Variants in NFX1 observed in about 807,000 individuals in gnomAD.
The protein encoded by NFX1 is nuclear transcription factor, X-box binding 1, also known as transcriptional repressor NF-X1.
In NFX1, 69 loss-of-function variants were observed where a neutral mutation model predicts 137.2. The ratio of observed to expected loss-of-function variants is 0.50; its 90% CI spans 0.41 to 0.61. NFX1 has a LOEUF of 0.61. NFX1 is among the 20% of genes least tolerant of loss of function. NFX1 has a pLI of 0.00. For synonymous variants in NFX1, 495 were observed against 474.1 expected, an observed-to-expected ratio of 1.04 and a Z score of -0.57; for missense variants, 1,167 against 1,391.0, an observed-to-expected ratio of 0.84 and a Z score of 2.56.
intron 7 of NFX1, among the ~76,000 whole-genome samples, chr9:33,314,569 C>T (rs1249493097): frequency 4.6e-5 from 7 of 151,658 alleles, no homozygotes; most frequent in Admixed American, 6.6e-5. Context: ...CCCAGCTATT[C>T]GGGAGGCTGA....
chr9:33,330,432 T>C (rs1203850944), intron 10 of NFX1, among the ~76,000 whole-genome samples: 1 of 152,210 alleles, frequency 6.6e-6, no homozygotes, highest in East Asian at 1.9e-4. Flanking sequence ...ATATATGGGT[T>C]TTTTCCTGAA....
chr9:33,338,188 C>T (rs926037670), intron 11 of NFX1, among the ~76,000 whole-genome samples: 7 of 151,896 alleles, frequency 4.6e-5, no homozygotes, highest in African/African-American at 1.7e-4. Flanking sequence ...AACCCTGCCT[C>T]TACTAAAAAT....
Position 33,338,600 on chromosome 9 carries a change from T to G in NFX1, c.2115+11T>G. 1 of 1,579,868 alleles carries G rather than the reference T, an allele frequency of 6.3e-7. No individual in the cohort carries two copies. Among genetic ancestry groups the G allele is most frequent in the South Asian group, 1.2e-5 (1 of 84,826 alleles). ...GAGATATGCTGTGTGGTAAGTGGACTTATTAGGCATAATCAGATTCCATTC... is the reference window on the plus strand; with the variant it reads ...GAGATATGCTGTGTGGTAAGTGGACGTATTAGGCATAATCAGATTCCATTC... On this transcript the variant is annotated intron_variant, in intron 12 of 23. Coordinates refer to ENST00000379540, the MANE Select transcript of NFX1 (RefSeq NM_002504.6).
In NFX1 at chr9:33,342,837, A is replaced by G. The variant is rs1445729665; in HGVS notation, c.2207A>G (p.Gln736Arg). Residue 736 changes from glutamine to arginine, a missense_variant, in exon 13 of 24, where the codon CAG becomes CGG. By Grantham distance (43) the Gln-to-Arg change is conservative. This residue lies in a region of NFX1 where 488 missense variants were observed against 691.5 expected (regional missense o/e 0.71). Coordinates refer to ENST00000379540, the MANE Select transcript of NFX1 (RefSeq NM_002504.6). ...GAACCTTGTCATCGTGGAAACTGCCAGACATGCTGGCAAGCCAGTGAGTGT... is the reference window on the plus strand; with the variant it reads ...GAACCTTGTCATCGTGGAAACTGCCGGACATGCTGGCAAGCCAGTGAGTGT... ...CEEPCHRGNC[Q>R]TCWQASFDEL... 2 of 1,612,556 alleles carry G rather than the reference A, an allele frequency of 1.2e-6. No individual in the cohort carries two copies. Among genetic ancestry groups the G allele is most frequent in the Admixed American group, 3.3e-5 (2 of 59,802 alleles).
rs529683698 is a variant in NFX1 at position 33,319,060 on chromosome 9, A to G, written c.1839A>G (p.Lys613=). The change falls in exon 9 of 24, where the codon AAA becomes AAG. Residue 613 remains lysine, a synonymous_variant. Transcript: ENST00000379540. ...QLLELGSSSR[K]TCMDPVPSCG... ...TAGAACTTGGAAGTAGTAGTCGGAA[A>G]ACATGCATGGACCCTGTGCCTTCAT... 1,267 of 1,614,224 alleles carry G rather than the reference A, an allele frequency of 7.8e-4. 22 individuals are homozygous for G. In the South Asian group the frequency reaches 0.013, roughly 17 times the overall value.
In NFX1 at chr9:33,318,916, G is replaced by A. The variant is rs750091700; in HGVS notation, c.1695G>A (p.Leu565=). The change falls in exon 9 of 24, where the codon TTG becomes TTA. Residue 565 remains leucine (L), a synonymous_variant. Coordinates refer to ENST00000379540, the MANE Select transcript of NFX1 (RefSeq NM_002504.6). The part of the protein sequence containing the change: ...FSCLKICGKD[L]KCGNHTCSQV... ...TAGTGTGTTTTCTTAACAGGGACTT[G>A]AAATGCGGTAACCATACATGTTCGC... The A allele has an allele frequency of 2.4e-5, 38 of 1,614,122 alleles. No individual in the cohort carries two copies. The highest frequency in any genetic ancestry group is 3.1e-5 in the Non-Finnish European group (37 of 1,180,040).
At chr9:33,321,144 C>G (rs955168513) in intron 9 of NFX1, among the ~76,000 whole-genome samples, 8 of 152,116 alleles carry the variant, frequency 5.3e-5, no homozygotes, top group Admixed American at 3.3e-4. Context: ...CCCTGGCACT[C>G]ATGTATCCTG....
rs1822277463 is a variant in NFX1, at chr9:33,318,906, A to C, written c.1689-4A>C. On this transcript the variant is annotated splice_region_variant and splice_polypyrimidine_tract_variant and intron_variant, in intron 8 of 23. Coordinates refer to ENST00000379540, the MANE Select transcript of NFX1 (RefSeq NM_002504.6). Reference sequence around the variant, plus strand: ...AATTATGTAATAGTGTGTTTTCTTAACAGGGACTTGAAATGCGGTAACCAT... The same window carrying C: ...AATTATGTAATAGTGTGTTTTCTTACCAGGGACTTGAAATGCGGTAACCAT... The C allele has an allele frequency of 6.2e-7, 1 of 1,614,252 alleles. No homozygotes were observed.
At chr9:33,355,622 A>T (rs537842430) in intron 19 of NFX1, among the ~76,000 whole-genome samples, 1 of 151,214 alleles carries the variant, frequency 6.6e-6, no homozygotes, top group East Asian at 1.9e-4. Flanking sequence ...GACTATTACA[A>T]ATAAAACTGT....
At position 33,351,776 on chromosome 9, in the gene NFX1, G is replaced by C; in HGVS notation, c.2641G>C (p.Ala881Pro). 2 of 1,585,864 alleles carry C rather than the reference G, an allele frequency of 1.3e-6. No homozygotes were observed. The highest frequency in any genetic ancestry group is 1.7e-6 in the Non-Finnish European group (2 of 1,167,462). ...TACCAGCTCACCCTGCCCTGTGACT[G>C]CTTGTAAAGCTAAGGTGGGTATTTC... ...CHTSSPCPVT[A>P]CKAKVELQCE... The change falls in exon 16 of 24, where the codon GCT (alanine) becomes CCT (proline). Residue 881 changes from alanine (A) to proline (P), a missense_variant. This residue lies in a region of NFX1 where 312 missense variants were observed against 312.8 expected (regional missense o/e 1.00). Coordinates refer to ENST00000379540, the MANE Select transcript of NFX1 (RefSeq NM_002504.6).
chr9:33,301,525 T>G (rs1245195016), intron 3 of NFX1, 104 bp downstream of exon 3: 1 of 1,260,424 alleles, frequency 7.9e-7, no homozygotes, highest in African/African-American at 1.5e-5. Context: ...CTTAACTACT[T>G]TTTCTGCAGG....
At chr9:33,366,311 T>A (rs1450489649) in intron 21 of NFX1, among the ~76,000 whole-genome samples, 1 of 152,174 alleles carries the variant, frequency 6.6e-6, no homozygotes, top group East Asian at 1.9e-4. Flanking sequence ...TTTTGGGGAA[T>A]ATCACCCACT....
At chr9:33,315,816 C>T (rs1053543343) in intron 7 of NFX1, among the ~76,000 whole-genome samples, 1 of 151,206 alleles carries the variant, frequency 6.6e-6, no homozygotes, top group Non-Finnish European at 1.5e-5. Context: ...GGCTTGAGCC[C>T]AGGAGGCGGA....
intron 17 of NFX1, among the ~76,000 whole-genome samples, chr9:33,353,242 G>C (rs1336123986): frequency 1.3e-5 from 2 of 152,146 alleles, no homozygotes; most frequent in African/African-American, 4.8e-5. Flanking sequence ...CCTGAAGTTA[G>C]GTGAATTGCT....
chr9:33,356,322 C>G (rs1823809047), intron 19 of NFX1, among the ~76,000 whole-genome samples: 1 of 152,000 alleles, frequency 6.6e-6, no homozygotes, highest in African/African-American at 2.4e-5. Context: ...TTTTTGTGCT[C>G]TTTTTGTATT....
At position 33,318,931 on chromosome 9, in the gene NFX1, T is replaced by C; in HGVS notation, c.1710T>C (p.His570=). The C allele has an allele frequency of 6.2e-7, 1 of 1,614,256 alleles. No individual in the cohort carries two copies. The highest frequency in any genetic ancestry group is 8.5e-7 in the Non-Finnish European group (1 of 1,180,046). The change falls in exon 9 of 24, where the codon CAT becomes CAC. Residue 570 remains histidine (H), a synonymous_variant. Transcript: ENST00000379540. The part of the protein sequence containing the change: ...ICGKDLKCGN[H]TCSQVCHPQP... ...ACAGGGACTTGAAATGCGGTAACCA[T>C]ACATGTTCGCAAGTGTGCCACCCTC...
intron 11 of NFX1, among the ~76,000 whole-genome samples, chr9:33,333,854 A>G (rs1822901043): frequency 6.6e-6 from 1 of 152,208 alleles, no homozygotes; most frequent in Admixed American, 6.6e-5. Context: ...TATTAAAAAC[A>G]TAATTTGGGT....
chr9:33,351,134 GAGACT>G (rs1348755829), intron 15 of NFX1, among the ~76,000 whole-genome samples: 1 of 150,658 alleles, frequency 6.6e-6, no homozygotes, highest in African/African-American at 2.4e-5. Context: ...GCAACAGAGT[GAGACT>G]TCGTCTCAAA....
At chr9:33,357,265 G>A (rs1022789116) in intron 19 of NFX1, among the ~76,000 whole-genome samples, 2 of 151,966 alleles carry the variant, frequency 1.3e-5, no homozygotes, top group African/African-American at 4.8e-5. Context: ...TGGTGCCACT[G>A]CACTCTAGCC....
Sources: allele counts gnomAD v4.1 joint callset (sites outside exome capture counted in the v4.1 genomes callset), GRCh38; gene constraint gnomAD v4.1.1; regional missense constraint gnomAD v4.1.1; transcripts MANE v1.5; gene names NCBI Gene and HGNC (gene_info 2026-07-23, HGNC 2026-07-21).